The following RBFOX1 variants were observed in gnomAD, a reference collection of about 807,000 sequenced individuals.
RBFOX1 encodes RNA binding protein fox-1 homolog 1.
A neutral mutation model predicts 57.7 loss-of-function variants in RBFOX1; 8 were observed. The ratio of observed to expected loss-of-function variants is 0.14; its 90% CI spans 0.08 to 0.25. The LOEUF (loss-of-function observed/expected upper bound fraction) is 0.25, where lower values mean the gene tolerates loss of function less well. RBFOX1 is among the 10% of genes least tolerant of loss of function. The pLI is 1.00. For synonymous variants in RBFOX1, 326 were observed against 222.4 expected, an observed-to-expected ratio of 1.47 and a Z score of -4.15; for missense variants, 611 against 548.5, an observed-to-expected ratio of 1.11 and a Z score of -1.14.
chr16:7,396,381 A>G (rs1051201399), intron 4 of RBFOX1, among the ~76,000 whole-genome samples: 1 of 152,136 alleles, frequency 6.6e-6, no homozygotes, highest in African/African-American at 2.4e-5. Context: ...TTTCAGAGCT[A>G]TGCATTTTAT....
intron 4 of RBFOX1, among the ~76,000 whole-genome samples, chr16:7,493,728 C>T (rs1203087135): frequency 6.6e-6 from 1 of 152,196 alleles, no homozygotes; most frequent in East Asian, 1.9e-4. Flanking sequence ...CCTCTCAGAG[C>T]CTCCAGAGCC....
intron 4 of RBFOX1, among the ~76,000 whole-genome samples, chr16:7,210,370 A>G (rs2090889183): frequency 6.6e-6 from 1 of 152,168 alleles, no homozygotes. Flanking sequence ...CTCAAGGATC[A>G]CATGGACCAC....
chr16:5,540,142 G>C (rs2044871838), intron 2 of RBFOX1, among the ~76,000 whole-genome samples: 2 of 152,286 alleles, frequency 1.3e-5, no homozygotes, highest in African/African-American at 4.8e-5. Flanking sequence ...GGAAGCCGAA[G>C]CCTTTTGCAA....
chr16:6,014,314 G>A (rs755208532), upstream of RBFOX1, among the ~76,000 whole-genome samples: 5 of 152,064 alleles, frequency 3.3e-5, no homozygotes, highest in Non-Finnish European at 5.9e-5. Flanking sequence ...GGGGATGAAG[G>A]CAGGAGAGGA....
At chr16:7,106,773 A>G (rs1186434768) in intron 4 of RBFOX1, among the ~76,000 whole-genome samples, 3 of 152,068 alleles carry the variant, frequency 2.0e-5, no homozygotes, top group Non-Finnish European at 4.4e-5. Flanking sequence ...AAGGAGAATT[A>G]GAGAGTGACG....
chr16:7,660,853 C>G (rs2067542654), intron 12 of RBFOX1, among the ~76,000 whole-genome samples: 1 of 152,206 alleles, frequency 6.6e-6, no homozygotes, highest in African/African-American at 2.4e-5. Context: ...CCACCACTGC[C>G]TGCCATAGTA....
intron 4 of RBFOX1, among the ~76,000 whole-genome samples, chr16:5,873,608 G>A (rs1353180145): frequency 6.6e-6 from 1 of 152,206 alleles, no homozygotes; most frequent in East Asian, 1.9e-4. Context: ...CTAGGCCTGG[G>A]AATACGTGTA....
intron 2 of RBFOX1, among the ~76,000 whole-genome samples, chr16:6,612,484 A>G (rs773518794): frequency 1.4e-4 from 21 of 152,208 alleles, no homozygotes; most frequent in Non-Finnish European, 1.5e-4. Flanking sequence ...AGCACAAACT[A>G]CTTTTACAAG....
intron 3 of RBFOX1, among the ~76,000 whole-genome samples, chr16:5,849,331 C>T (rs977925080): frequency 3.9e-5 from 6 of 152,008 alleles, no homozygotes; most frequent in Non-Finnish European, 8.8e-5. Flanking sequence ...GTATTGGGTC[C>T]AAACAGGAGA....
intron 2 of RBFOX1, among the ~76,000 whole-genome samples, chr16:6,528,095 C>A (rs1364644955): frequency 6.6e-6 from 1 of 152,182 alleles, no homozygotes; most frequent in Non-Finnish European, 1.5e-5. Context: ...CTTCAGGAAA[C>A]CTTTCCTGAT....
chr16:6,786,702 C>A (rs1176073946), intron 3 of RBFOX1, among the ~76,000 whole-genome samples: 1 of 152,086 alleles, frequency 6.6e-6, no homozygotes, highest in Non-Finnish European at 1.5e-5. Context: ...GAATGGGGAC[C>A]CTAGCACTAC....
rs149051268 is a variant in RBFOX1, at chr16:5,842,904, C to T, written c.319-24399C>T. 1.3e-4 allele frequency among the ~76,000 whole-genome samples: 20 copies of T among 152,254 alleles called. 1 individual carries two copies. The highest frequency in any genetic ancestry group is 3.9e-4 in the East Asian group (2 of 5,174). On this transcript the variant is annotated intron_variant, in intron 3 of 19. Coordinates refer to the RBFOX1 transcript ENST00000641259. ...CATGATCCTGGCTCACTGCAACCTC[C>T]GCCTCTTGGATTCAAGTGATTGTCC...
chr16:6,300,289 T>G (rs752362501), intron 1 of RBFOX1, among the ~76,000 whole-genome samples: 8 of 152,174 alleles, frequency 5.3e-5, no homozygotes, highest in Admixed American at 2.0e-4. Context: ...TTAGTAACAA[T>G]GTATATACTT....
At chr16:6,705,030 A>G (rs2062481589) in intron 3 of RBFOX1, 1 of 150,700 alleles carries the variant, frequency 6.6e-6, no homozygotes, top group Non-Finnish European at 1.5e-5. Flanking sequence ...TGACGTGTGG[A>G]TTTTTTTTTA....
chr16:7,005,499 G>C (rs7202214), intron 3 of RBFOX1, among the ~76,000 whole-genome samples: 1 of 152,106 alleles, frequency 6.6e-6, no homozygotes, highest in African/African-American at 2.4e-5. Flanking sequence ...AGTAATGGCA[G>C]GTGAACGAGA....
chr16:5,276,711 A>T (rs1408010122), intron 1 of RBFOX1, among the ~76,000 whole-genome samples: 1 of 152,156 alleles, frequency 6.6e-6, no homozygotes, highest in African/African-American at 2.4e-5. Context: ...TGAACCCAGG[A>T]TGCAAGGTTG....
chr16:6,395,931 T>C (rs6500778), intron 2 of RBFOX1, among the ~76,000 whole-genome samples: 44,055 of 151,332 alleles, frequency 0.29, 6,758 homozygotes, highest in African/African-American at 0.38. Context: ...CTGGTCATGG[T>C]GGCGTGCACC....
At chr16:6,667,372 G>A (rs771877626) in intron 3 of RBFOX1, among the ~76,000 whole-genome samples, 1 of 152,152 alleles carries the variant, frequency 6.6e-6, no homozygotes, top group South Asian at 2.1e-4. Context: ...AATGCCAGGT[G>A]TAATCGTGTG....
chr16:6,309,023 A>G (rs768446193), intron 1 of RBFOX1, among the ~76,000 whole-genome samples: 19 of 151,768 alleles, frequency 1.3e-4, no homozygotes, highest in Non-Finnish European at 2.5e-4. Flanking sequence ...CTCTCCTCTC[A>G]CCCTATACCC....
Sources: gnomAD v4.1 joint callset for allele counts (sites outside exome capture counted in the v4.1 genomes callset) on GRCh38, gnomAD v4.1.1 for gene constraint, MANE v1.5 for transcripts, NCBI Gene and HGNC (gene_info 2026-07-23, HGNC 2026-07-21) for gene names.